The following TCAF1 variants were observed in gnomAD, a reference collection of about 807,000 sequenced individuals.
The protein encoded by TCAF1 is TRPM8 channel-associated factor 1.
Under a neutral mutation model 27.3 loss-of-function variants are expected in TCAF1, and 4 were observed. The observed-to-expected ratio is 0.15, with a 90% CI of 0.07 to 0.34. The LOEUF is 0.34. Among genes scored for constraint, TCAF1 ranks in the 10% least tolerant of loss-of-function variants. The probability of loss-of-function intolerance (pLI) is 1.00; values close to 1 mark genes in which losing one functional copy is unlikely to be tolerated. For synonymous variants in TCAF1, 105 were observed against 167.1 expected (o/e 0.63, Z 2.87); for missense variants, 257 against 425.8 (o/e 0.60, Z 3.49).
At chr7:143,900,058 G>A (rs368631525) in intron 1 of TCAF1, among the ~76,000 whole-genome samples, 1,993 of 125,586 alleles carry the variant, frequency 0.016, 42 homozygotes, top group African/African-American at 0.063. Flanking sequence ...TAACACTTTG[G>A]AAAGTTTAGA....
chr7:143,884,003 T>A (rs182389571), intron 1 of TCAF1, among the ~76,000 whole-genome samples: 1 of 152,198 alleles, frequency 6.6e-6, no homozygotes, highest in East Asian at 1.9e-4. Context: ...GTTACCTAAT[T>A]CCTCTGTGCC....
rs920045566 is a variant in TCAF1, at chr7:143,882,977, C to A, written c.-14-6355G>T. On this transcript the variant is annotated intron_variant, in intron 1 of 8. Coordinates refer to ENST00000479870, the MANE Select transcript of TCAF1 (RefSeq NM_014719.3). Reference sequence around the variant, plus strand: ...CGGCGCTTGGCGGGGGACAGCGCTTCTTTGTGTCGCCGGCCCTGGTGGCTT... The same window carrying A: ...CGGCGCTTGGCGGGGGACAGCGCTTATTTGTGTCGCCGGCCCTGGTGGCTT... The A allele has an allele frequency of 4.5e-6, 3 of 661,970 alleles. No individual in the cohort carries two copies. In the African/African-American group the frequency reaches 5.9e-5, roughly 13 times the overall value. The allele number at this position is 661,970 out of a possible 1,614,324, so 41.0% of individuals were successfully genotyped here. A position where few individuals can be genotyped will look rare whatever the true frequency, so the allele number is the denominator to read the frequency against.
Position 143,887,762 on chromosome 7 carries a change from C to T in TCAF1, c.-14-11140G>A, listed in dbSNP as rs1586791296. Reference sequence around the variant, plus strand: ...GGCATATTCACAATGAAATATGGTACAGCAATGAGAATGAATGATTTGCAT... The same window carrying T: ...GGCATATTCACAATGAAATATGGTATAGCAATGAGAATGAATGATTTGCAT... On this transcript the variant is annotated intron_variant, in intron 1 of 8. Coordinates refer to ENST00000479870, the MANE Select transcript of TCAF1 (RefSeq NM_014719.3). Among the ~76,000 whole-genome samples, 5 of 152,210 alleles carry T rather than the reference C, an allele frequency of 3.3e-5. No homozygotes were observed. In the South Asian group the frequency reaches 1.0e-3, roughly 32 times the overall value.
chr7:143,879,775 G>GC (rs1449833525), intron 1 of TCAF1, among the ~76,000 whole-genome samples: 4 of 151,966 alleles, frequency 2.6e-5, no homozygotes, highest in Non-Finnish European at 4.4e-5. Context: ...CTTCCACATA[G>GC]CCCCCAGATA....
intron 1 of TCAF1, among the ~76,000 whole-genome samples, chr7:143,886,700 C>CTTTTTTTTTTT (rs11398264): frequency 1.1e-5 from 1 of 89,162 alleles, no homozygotes; most frequent in African/African-American, 5.0e-5. Flanking sequence ...CAAATTTTAC[C>CTTTTTTTTTTT]TTTTTTTTTT....
Position 143,876,383 on chromosome 7 carries a change from A to G in TCAF1, c.226T>C (p.Phe76Leu), listed in dbSNP as rs967686157. 2.5e-6 allele frequency: 4 copies of G among 1,614,024 alleles called. No individual in the cohort carries two copies. Among genetic ancestry groups the G allele is most frequent in the Non-Finnish European group, 3.4e-6 (4 of 1,180,018 alleles). ...DYLVEAQLTP[F>L]LLNAVGWLCS... Reference sequence around the variant, plus strand: ...AGCCACCCCACTGCGTTCAGGAGAAAGGGCGTGAGCTGGGCTTCCACCAAG... The same window carrying G: ...AGCCACCCCACTGCGTTCAGGAGAAGGGGCGTGAGCTGGGCTTCCACCAAG... The change falls in exon 2 of 9, where the codon TTT (phenylalanine) becomes CTT (leucine). Residue 76 changes from phenylalanine to leucine, a missense_variant. Phe to Leu is a conservative substitution (Grantham distance 22, BLOSUM62 0). Around this residue, in one of 2 missense-constraint regions of TCAF1, gnomAD observed 255 missense variants for 260.1 expected, o/e 0.98. Coordinates refer to ENST00000479870, the MANE Select transcript of TCAF1 (RefSeq NM_014719.3).
chr7:143,875,487 T>C (rs1586765675), intron 2 of TCAF1, among the ~76,000 whole-genome samples: 1 of 152,162 alleles, frequency 6.6e-6, no homozygotes, highest in African/African-American at 2.4e-5. Flanking sequence ...ATCCTAGATT[T>C]AGCACATATA....
chr7:143,881,400 C>T (rs1335024119), intron 1 of TCAF1, among the ~76,000 whole-genome samples: 1 of 152,130 alleles, frequency 6.6e-6, no homozygotes, highest in Admixed American at 6.5e-5. Context: ...CTCCTTCATG[C>T]TGTTTTTTTC....
intron 1 of TCAF1, among the ~76,000 whole-genome samples, chr7:143,896,895 GA>G (rs1444186997): frequency 6.6e-6 from 1 of 150,626 alleles, no homozygotes; most frequent in Admixed American, 6.6e-5. Context: ...ATAAATCACA[GA>G]AAAAATTCAA....
At chr7:143,860,027 TTATATATATAATATATAA>T (rs1811922157) in intron 6 of TCAF1, among the ~76,000 whole-genome samples, 163 bp downstream of exon 6, 1 of 24,366 alleles carries the variant, frequency 4.1e-5, no homozygotes, top group Non-Finnish European at 9.4e-5. Context: ...ATATTATATA[TTATATATATAATATATAA>T]TATATATTAT....
intron 1 of TCAF1, among the ~76,000 whole-genome samples, chr7:143,880,914 T>C (rs1160329658): frequency 6.6e-6 from 1 of 152,180 alleles, no homozygotes. Flanking sequence ...GAAATGTCCT[T>C]TCATTTCTCT....
At chr7:143,875,382 C>A (rs910149025) in intron 2 of TCAF1, among the ~76,000 whole-genome samples, 65 of 152,182 alleles carry the variant, frequency 4.3e-4, no homozygotes, top group African/African-American at 1.6e-3. Flanking sequence ...GCAAAGCAGG[C>A]AGGGCAGTAC....
At chr7:143,900,281 C>T (rs1467829641) in intron 1 of TCAF1, among the ~76,000 whole-genome samples, 73 of 152,148 alleles carry the variant, frequency 4.8e-4, no homozygotes, top group Non-Finnish European at 3.8e-4. Flanking sequence ...GGACTCACTT[C>T]TAATGAATAT....
At chr7:143,879,007 TG>T (rs1812869437) in intron 1 of TCAF1, among the ~76,000 whole-genome samples, 1 of 152,222 alleles carries the variant, frequency 6.6e-6, no homozygotes, top group Admixed American at 6.5e-5. Flanking sequence ...TACTGCCTCC[TG>T]GTGTGGACTG....
chr7:143,885,282 T>C, intron 1 of TCAF1: 1 of 985,194 alleles, frequency 1.0e-6, no homozygotes, highest in Non-Finnish European at 1.2e-6. Context: ...GGGAAGGCGC[T>C]GGGGCAGACG....
intron 1 of TCAF1, among the ~76,000 whole-genome samples, chr7:143,879,424 G>A (rs73154274): frequency 0.13 from 20,403 of 152,142 alleles, 1,481 homozygotes; most frequent in East Asian, 0.24. Flanking sequence ...TATTTGAAAG[G>A]CTAATAATGT....
At chr7:143,894,551 T>G (rs1813788406) in intron 1 of TCAF1, among the ~76,000 whole-genome samples, 1 of 151,794 alleles carries the variant, frequency 6.6e-6, no homozygotes, top group Non-Finnish European at 1.5e-5. Flanking sequence ...CCATACCTCA[T>G]ATCATATACA....
chr7:143,885,214 T>C (rs1024470541), intron 1 of TCAF1: 3 of 985,424 alleles, frequency 3.0e-6, no homozygotes. Context: ...ACTCACCCTT[T>C]CGTCCAGCAA....
chr7:143,877,892 C>A (rs1486006968), intron 1 of TCAF1, among the ~76,000 whole-genome samples: 3 of 152,220 alleles, frequency 2.0e-5, no homozygotes, highest in South Asian at 4.1e-4. Flanking sequence ...ACAGCCCTTA[C>A]AATTTAATCA....
Sources: allele counts gnomAD v4.1 joint callset (sites outside exome capture counted in the v4.1 genomes callset), GRCh38; gene constraint gnomAD v4.1.1; regional missense constraint gnomAD v4.1.1; transcripts MANE v1.5; gene names NCBI Gene and HGNC (gene_info 2026-07-23, HGNC 2026-07-21).